KIF14: variants seen among roughly 807,000 people sequenced by gnomAD.
KIF14 encodes the protein kinesin family member 14.
In KIF14, 98 loss-of-function variants were observed where a neutral mutation model predicts 176.2. That is an observed-to-expected ratio of 0.56 (90% CI 0.47 to 0.66). The LOEUF (loss-of-function observed/expected upper bound fraction) is 0.66. Among genes scored for constraint, KIF14 ranks in the 30% least tolerant of loss-of-function variants. KIF14 has a pLI of 0.00. For missense variants in KIF14, 1,751 were observed against 1,920.4 expected (o/e 0.91, Z 1.65); for synonymous variants, 566 against 632.2 (o/e 0.90, Z 1.57).
At chr1:200,587,963 C>T (rs1658842061) in intron 18 of KIF14, among the ~76,000 whole-genome samples, 1 of 152,108 alleles carries the variant, frequency 6.6e-6, no homozygotes, top group South Asian at 2.1e-4. Flanking sequence ...TATTATGGTA[C>T]CAATACTTTG....
chr1:200,618,383 G>C lies in KIF14; in HGVS notation c.341C>G (p.Thr114Arg). 1 of 1,614,126 alleles carries C rather than the reference G, an allele frequency of 6.2e-7. No individual in the cohort carries two copies. Among genetic ancestry groups the C allele is most frequent in the Non-Finnish European group, 8.5e-7 (1 of 1,180,024 alleles). The part of the protein sequence containing the change: ...VSELEDTTEK[T>R]AETRLTLQRR... ...TTGTAATGTAAGACGTGTTTCTGCTGTTTTTTCAGTTGTGTCTTCCAACTC... is the reference window on the plus strand; with the variant it reads ...TTGTAATGTAAGACGTGTTTCTGCTCTTTTTTCAGTTGTGTCTTCCAACTC... Residue 114 changes from threonine (T) to arginine (R), a missense_variant, in exon 2 of 30, where the codon ACA becomes AGA. By Grantham distance (71) the Thr-to-Arg change is moderately conservative (BLOSUM62 -1). Transcript: ENST00000367350.
intron 26 of KIF14, among the ~76,000 whole-genome samples, chr1:200,560,037 G>A (rs764895895): frequency 6.6e-6 from 1 of 151,726 alleles, no homozygotes; most frequent in African/African-American, 2.4e-5. Context: ...TTACAGGTGT[G>A]AGCCACCGCC....
chr1:200,589,165 A>C, intron 18 of KIF14, 52 bp downstream of exon 18: 1 of 1,481,092 alleles, frequency 6.8e-7, no homozygotes, highest in South Asian at 1.3e-5. Context: ...TTTGAAAAAA[A>C]AAATCCAGCT....
At chr1:200,585,643 G>A (rs1658695878) in intron 19 of KIF14, among the ~76,000 whole-genome samples, 1 of 152,154 alleles carries the variant, frequency 6.6e-6, no homozygotes, top group Non-Finnish European at 1.5e-5. Context: ...TCTGAGATCA[G>A]GGTTCCAGCG....
intron 22 of KIF14, among the ~76,000 whole-genome samples, chr1:200,573,966 C>A (rs1370916118): frequency 6.6e-6 from 1 of 152,132 alleles, no homozygotes; most frequent in Non-Finnish European, 1.5e-5. Context: ...AAATCAGGAG[C>A]TTTGGAGTCA....
At chr1:200,576,011 A>G (rs1658081022) in intron 21 of KIF14, among the ~76,000 whole-genome samples, 1 of 152,228 alleles carries the variant, frequency 6.6e-6, no homozygotes, top group African/African-American at 2.4e-5. Context: ...ATAATCTGAC[A>G]AAGTTAAGAT....
Position 200,572,859 on chromosome 1 carries a change from C to T in KIF14, c.3566+2732G>A, listed in dbSNP as rs1571484898. On this transcript the variant is annotated intron_variant, in intron 22 of 29. Transcript: ENST00000367350. ...GCTTAAATATCTCAAGCTCTATCTA[C>T]CCAATTTCACCTAAGGACCATATTT... is the stretch of plus-strand genomic sequence containing the variant. 1.3e-5 allele frequency among the ~76,000 whole-genome samples: 2 copies of T among 152,240 alleles called. 1 individual carries two copies.
In KIF14 at chr1:200,618,194, G is replaced by T. The variant is rs754564400; in HGVS notation, c.530C>A (p.Ser177Tyr). The T allele has an allele frequency of 6.2e-7, 1 of 1,613,920 alleles. No homozygotes were observed. Among genetic ancestry groups the T allele is most frequent in the East Asian group, 2.2e-5 (1 of 44,876 alleles). Residue 177 changes from serine to tyrosine, a missense_variant, in exon 2 of 30, where the codon TCT (serine) becomes TAT (tyrosine). Physicochemically the swap from Ser to Tyr is moderately radical, Grantham distance 144. Coordinates refer to ENST00000367350, the MANE Select transcript of KIF14 (RefSeq NM_014875.3). ...VNNAKNSFVA[S>Y]SVPLDEDPQV... ...TGGATCTTCATCTAAAGGTACAGAA[G>T]AGGCAACAAAAGAGTTTTTAGCATT...
At position 200,552,042 on chromosome 1, in the gene KIF14, AGATTTATTCATG is replaced by A. The variant is rs1656558840; in HGVS notation, c.*1334_*1345del. 6.6e-6 allele frequency: 1 copy of A among 152,246 alleles called. No individual in the cohort carries two copies. The highest frequency in any genetic ancestry group is 2.4e-5 in the African/African-American group (1 of 41,476). The allele number at this position is 152,246 out of a possible 1,614,324, so 9.4% of individuals were successfully genotyped here. On this transcript the variant is annotated 3_prime_UTR_variant, in exon 30 of 30. Coordinates refer to ENST00000367350, the MANE Select transcript of KIF14 (RefSeq NM_014875.3). ...ATCTCTTCCTAACAAGGAAACTATC[AGATTTATTCATG>A]GTACGAATGGCCAATTTCAACTAGT...
rs61827012 is a variant in KIF14, at chr1:200,553,216, G to A, written c.*172C>T. The A allele has an allele frequency of 9.3e-3, 5,962 of 642,900 alleles. 38 individuals carry two copies. Among genetic ancestry groups the A allele is most frequent in the Middle Eastern group, 0.026 (52 of 2,036 alleles). 39.8% of individuals were successfully genotyped at this position (642,900 alleles called of 1,614,324 possible). On this transcript the variant is annotated 3_prime_UTR_variant, in exon 30 of 30. Transcript: ENST00000367350. ...CTCCCAAAGTGCTGGGATTACAGGC[G>A]TGAGCCACTGTGTCTGGCCTTTGAT...
intron 4 of KIF14, among the ~76,000 whole-genome samples, chr1:200,609,621 C>T (rs1381699725): frequency 1.3e-5 from 2 of 152,178 alleles, no homozygotes; most frequent in East Asian, 1.9e-4. Flanking sequence ...TGCACTCCAG[C>T]CTAGGCGACA....
chr1:200,593,616 G>A (rs1303670537), intron 15 of KIF14, 51 bp downstream of exon 15: 2 of 1,142,154 alleles, frequency 1.8e-6, no homozygotes, highest in Non-Finnish European at 2.6e-6. Context: ...GAAATTAAAT[G>A]ACTTATCCAA....
At chr1:200,565,702 G>T in intron 23 of KIF14, 33 bp from the exon 24 acceptor site, 2 of 1,379,492 alleles carry the variant, frequency 1.4e-6, no homozygotes, top group Non-Finnish European at 2.0e-6. Context: ...TTTTAAGCTT[G>T]TTTTCAGGAA....
chr1:200,587,408 T>TA (rs201973922), intron 18 of KIF14, among the ~76,000 whole-genome samples: 22,691 of 141,472 alleles, frequency 0.16, 2,216 homozygotes, highest in East Asian at 0.39. Context: ...GACAAACTGT[T>TA]AAAAAAAAAA....
intron 24 of KIF14, 56 bp from the exon 25 acceptor site, chr1:200,565,309 A>G: frequency 2.0e-6 from 3 of 1,492,858 alleles, no homozygotes; most frequent in Non-Finnish European, 9.1e-7. Flanking sequence ...AAAAGAACTC[A>G]TATATGATCA....
At chr1:200,553,928 G>A (rs534323358) in intron 29 of KIF14, among the ~76,000 whole-genome samples, 161 bp from the exon 30 acceptor site, 3 of 152,258 alleles carry the variant, frequency 2.0e-5, no homozygotes, top group East Asian at 1.9e-4. Flanking sequence ...TTTGCTAGAT[G>A]AGCACTTGGT....
chr1:200,584,344 C>T (rs1447721745), intron 19 of KIF14, among the ~76,000 whole-genome samples: 1 of 152,020 alleles, frequency 6.6e-6, no homozygotes, highest in African/African-American at 2.4e-5. Flanking sequence ...GGAACATTTC[C>T]AATTCCTTTT....
Position 200,593,696 on chromosome 1 carries a change from G to A in KIF14, c.2623C>T (p.His875Tyr), listed in dbSNP as rs751567217. The change falls in exon 15 of 30, where the codon CAT becomes TAT. Residue 875 changes from histidine (H) to tyrosine (Y), a missense_variant. Coordinates refer to ENST00000367350, the MANE Select transcript of KIF14 (RefSeq NM_014875.3). ...GEAKTYVNGK[H>Y]ILEITVLRHG... is the part of the protein sequence containing the mutation. ...CGTAATACTGTGATTTCCAAAATAT[G>A]TTTTCCATTTACATATGTCTTTGCT... 2.5e-6 allele frequency: 4 copies of A among 1,611,976 alleles called. No homozygotes were observed. The highest frequency in any genetic ancestry group is 2.2e-5 in the South Asian group (2 of 91,056).
chr1:200,601,588 T>C (rs1049955084), intron 11 of KIF14, among the ~76,000 whole-genome samples: 2 of 152,204 alleles, frequency 1.3e-5, no homozygotes, highest in African/African-American at 4.8e-5. Context: ...AGAAAAATAG[T>C]AAATAGTTTT....
Sources: allele counts gnomAD v4.1 joint callset (sites outside exome capture counted in the v4.1 genomes callset), GRCh38; gene constraint gnomAD v4.1.1; transcripts MANE v1.5; gene names NCBI Gene and HGNC (gene_info 2026-07-23, HGNC 2026-07-21).